The following VAV3 variants were observed in gnomAD, a reference collection of about 807,000 sequenced individuals.
The protein encoded by VAV3 is vav guanine nucleotide exchange factor 3, also known as guanine nucleotide exchange factor VAV3.
VAV3 carries 94 observed loss-of-function variants against 131.2 expected under a neutral mutation model. The ratio of observed to expected loss-of-function variants is 0.72; its 90% confidence interval spans 0.61 to 0.85. VAV3 has a LOEUF of 0.85. Ranked by LOEUF, VAV3 falls within the 40% of genes least tolerant of loss-of-function variation. The probability of loss-of-function intolerance (pLI) is 0.00; values close to 1 mark genes in which losing one functional copy is unlikely to be tolerated. For missense variants in VAV3, 939 were observed against 1,002.7 expected, an observed-to-expected ratio of 0.94 and a Z score of 0.86; for synonymous variants, 349 against 342.0, an observed-to-expected ratio of 1.02 and a Z score of -0.22.
intron 20 of VAV3, among the ~76,000 whole-genome samples, chr1:107,620,901 T>C (rs1653541316): frequency 6.6e-6 from 1 of 152,074 alleles, no homozygotes; most frequent in South Asian, 2.1e-4. Context: ...GAAATCATAC[T>C]AGAGGGGTAG....
At position 107,704,616 on chromosome 1, in the gene VAV3, A is replaced by T; in HGVS notation, c.1639T>A (p.Cys547Ser). Residue 547 changes from cysteine to serine, a missense_variant, in exon 17 of 27, where the codon TGT becomes AGT. Physicochemically the swap from Cys to Ser is moderately radical, Grantham distance 112 (BLOSUM62 -1). Coordinates refer to ENST00000370056, the MANE Select transcript of VAV3 (RefSeq NM_006113.5). ...TFYQGYLCFKCGARAHKECLG... is the reference protein window; with the variant it reads ...TFYQGYLCFKSGARAHKECLG... ...CATTCTTTGTGTGCTCTCGCTCCAC[A>T]CTTAAAACATAAATAGCCTTGATAA... 4 of 1,613,950 alleles carry T rather than the reference A, an allele frequency of 2.5e-6. No homozygotes were observed. The highest frequency in any genetic ancestry group is 3.4e-6 in the Non-Finnish European group (4 of 1,179,906).
intron 1 of VAV3, among the ~76,000 whole-genome samples, chr1:107,884,387 A>C (rs914621575): frequency 1.2e-4 from 18 of 145,714 alleles, no homozygotes; most frequent in South Asian, 2.2e-4. Flanking sequence ...ATGTACCCCC[A>C]AAATTAAAAA....
rs1413963112 is a variant in VAV3, at chr1:107,571,950, G to C, written c.*1381C>G. ...CAAAATTTCAGAACTTAATGCTCCT[G>C]GTTCAGTTCTACTAAGTTAATGCTT... On this transcript the variant is annotated 3_prime_UTR_variant, in exon 27 of 27. Coordinates refer to ENST00000370056, the MANE Select transcript of VAV3 (RefSeq NM_006113.5). 6.6e-6 allele frequency: 1 copy of C among 152,548 alleles called. No homozygotes were observed. Among genetic ancestry groups the C allele is most frequent in the African/African-American group, 2.4e-5 (1 of 41,440 alleles). 9.4% of individuals were successfully genotyped at this position (152,548 alleles called of 1,614,324 possible). A position where few individuals can be genotyped will look rare whatever the true frequency, so the allele number is the denominator to read the frequency against.
chr1:107,676,313 A>G (rs1371498780), intron 19 of VAV3, among the ~76,000 whole-genome samples: 1 of 152,224 alleles, frequency 6.6e-6, no homozygotes, highest in African/African-American at 2.4e-5. Context: ...GGCTAGGCCA[A>G]TTAAAGCTCT....
At chr1:107,821,687 C>G (rs557474923) in intron 2 of VAV3, among the ~76,000 whole-genome samples, 24 of 152,258 alleles carry the variant, frequency 1.6e-4, no homozygotes, top group African/African-American at 5.8e-4. Flanking sequence ...AAGCTTCCAG[C>G]TGGGGAGTGC....
At chr1:107,638,021 G>T (rs2101466684) in intron 20 of VAV3, among the ~76,000 whole-genome samples, 1 of 152,304 alleles carries the variant, frequency 6.6e-6, no homozygotes, top group East Asian at 1.9e-4. Flanking sequence ...TATTACTGAT[G>T]AAAACTTGCA....
At chr1:107,772,546 C>G (rs1467472505) in intron 5 of VAV3, among the ~76,000 whole-genome samples, 189 bp downstream of exon 5, 1 of 152,074 alleles carries the variant, frequency 6.6e-6, no homozygotes, top group Non-Finnish European at 1.5e-5. Context: ...ACAAAAGATT[C>G]CCTATGGTTG....
chr1:107,648,924 G>A (rs1655942991), intron 19 of VAV3, among the ~76,000 whole-genome samples: 1 of 152,120 alleles, frequency 6.6e-6, no homozygotes, highest in Admixed American at 6.6e-5. Context: ...GTTATCTTGG[G>A]AAGCAGGAAA....
At chr1:107,787,355 T>C (rs1289427896) in intron 2 of VAV3, among the ~76,000 whole-genome samples, 1 of 152,040 alleles carries the variant, frequency 6.6e-6, no homozygotes, top group Non-Finnish European at 1.5e-5. Context: ...AAACCAACAG[T>C]CTATTAGGAA....
At chr1:107,793,575 A>G (rs1027637267) in intron 2 of VAV3, among the ~76,000 whole-genome samples, 2 of 152,200 alleles carry the variant, frequency 1.3e-5, no homozygotes, top group Non-Finnish European at 2.9e-5. Flanking sequence ...GCTGAGTGGC[A>G]GACACAATGC....
chr1:107,899,788 A>C (rs537210228), intron 1 of VAV3, among the ~76,000 whole-genome samples: 2 of 152,174 alleles, frequency 1.3e-5, no homozygotes, highest in African/African-American at 4.8e-5. Flanking sequence ...CAAACTAATA[A>C]TAACTGGTGA....
intron 20 of VAV3, among the ~76,000 whole-genome samples, chr1:107,622,168 A>G (rs765027421): frequency 6.6e-6 from 1 of 152,186 alleles, no homozygotes; most frequent in Non-Finnish European, 1.5e-5. Context: ...GACATTCCCG[A>G]ACATCACAAA....
At chr1:107,866,427 G>A (rs558618653) in intron 2 of VAV3, among the ~76,000 whole-genome samples, 3 of 152,044 alleles carry the variant, frequency 2.0e-5, no homozygotes, top group South Asian at 2.1e-4. Flanking sequence ...AGCTTGAAAC[G>A]ATTCAAAACT....
At chr1:107,634,815 T>C (rs1441764917) in intron 20 of VAV3, among the ~76,000 whole-genome samples, 2 of 151,984 alleles carry the variant, frequency 1.3e-5, no homozygotes, top group Non-Finnish European at 2.9e-5. Context: ...GGGCAAAGGA[T>C]ATGAACAGAC....
chr1:107,680,320 C>A (rs1250249090), intron 19 of VAV3, among the ~76,000 whole-genome samples: 1 of 151,682 alleles, frequency 6.6e-6, no homozygotes, highest in Non-Finnish European at 1.5e-5. Context: ...GGGGGAATAA[C>A]AACAAATCTG....
At chr1:107,950,238 C>T (rs1674470962) in intron 1 of VAV3, among the ~76,000 whole-genome samples, 1 of 152,268 alleles carries the variant, frequency 6.6e-6, no homozygotes, top group African/African-American at 2.4e-5. Flanking sequence ...ACTTCAAGAC[C>T]CAAAACTCTC....
intron 1 of VAV3, among the ~76,000 whole-genome samples, chr1:107,935,147 C>T (rs190934362): frequency 1.6e-4 from 25 of 152,306 alleles, no homozygotes; most frequent in African/African-American, 5.3e-4. Context: ...CTAAGGTCTT[C>T]TCCATTTGGG....
chr1:107,944,105 CT>C (rs1223842495), intron 1 of VAV3, among the ~76,000 whole-genome samples: 12 of 152,218 alleles, frequency 7.9e-5, no homozygotes, highest in African/African-American at 2.9e-4. Context: ...CTCTTTCCTA[CT>C]GAGTGAAAAA....
intron 2 of VAV3, among the ~76,000 whole-genome samples, chr1:107,837,157 T>C (rs1176521254): frequency 6.6e-6 from 1 of 151,912 alleles, no homozygotes; most frequent in African/African-American, 2.4e-5. Context: ...TGAATATAGA[T>C]GCAGAAATCC....
Sources: allele counts gnomAD v4.1 joint callset (sites outside exome capture counted in the v4.1 genomes callset), GRCh38; gene constraint gnomAD v4.1.1; transcripts MANE v1.5; gene names NCBI Gene and HGNC (gene_info 2026-07-23, HGNC 2026-07-21).